GRAMD1B: variants seen among roughly 807,000 people sequenced by gnomAD.
The protein encoded by GRAMD1B is protein Aster-B.
In GRAMD1B, 37 loss-of-function variants were observed where a neutral mutation model predicts 99.7. The ratio of observed to expected loss-of-function variants is 0.37; its 90% CI spans 0.29 to 0.49. The LOEUF (loss-of-function observed/expected upper bound fraction) is 0.49, where lower values mean the gene tolerates loss of function less well. Among genes scored for constraint, GRAMD1B ranks in the 20% least tolerant of loss-of-function variants. GRAMD1B has a pLI of 0.98. For synonymous variants in GRAMD1B, 427 were observed against 387.6 expected, an observed-to-expected ratio of 1.10 and a Z score of -1.19; for missense variants, 888 against 1,009.2, an observed-to-expected ratio of 0.88 and a Z score of 1.63.
chr11:123,500,123 C>T (rs938134906), intron 2 of GRAMD1B, among the ~76,000 whole-genome samples: 2 of 152,152 alleles, frequency 1.3e-5, no homozygotes, highest in Admixed American at 6.5e-5. Context: ...AGGTTCGAGA[C>T]TAGCCTGGCC....
chr11:123,589,612 TTTTATA>T (rs1304435263), intron 4 of GRAMD1B, among the ~76,000 whole-genome samples: 5 of 130,664 alleles, frequency 3.8e-5, no homozygotes, highest in Admixed American at 7.4e-5. Flanking sequence ...TGTGGCTAAT[TTTTATA>T]TATATATATA....
At position 123,491,953 on chromosome 11, in the gene GRAMD1B, G is replaced by A. The variant is rs1938601734; in HGVS notation, c.452+11060G>A. 7 of 399,294 alleles carry A rather than the reference G, an allele frequency of 1.8e-5. No individual in the cohort carries two copies. In the East Asian group the frequency reaches 1.8e-4, roughly 10 times the overall value. 24.7% of individuals were successfully genotyped at this position (399,294 alleles called of 1,614,324 possible). A position where few individuals can be genotyped will look rare whatever the true frequency, so the allele number is the denominator to read the frequency against. On this transcript the variant is annotated intron_variant, in intron 2 of 19. Transcript: ENST00000635736. ...CTGAGGAAGAAGCTGGCCTTTCTGC[G>A]AGCCAAGTAGGTGGTGGGGACCCTG...
chr11:123,579,921 C>G (rs1448149497), intron 3 of GRAMD1B, among the ~76,000 whole-genome samples: 1 of 152,180 alleles, frequency 6.6e-6, no homozygotes. Context: ...AGGGGCCAAA[C>G]TGGGCCTTTT....
intron 1 of GRAMD1B, among the ~76,000 whole-genome samples, chr11:123,387,590 T>C (rs1947110576): frequency 6.6e-6 from 1 of 152,234 alleles, no homozygotes; most frequent in Non-Finnish European, 1.5e-5. Context: ...TCTGTGCTTA[T>C]GGATCCACAA....
Position 123,618,770 on chromosome 11 carries a change from C to G in GRAMD1B, c.2396C>G (p.Thr799Ser). The change falls in exon 18 of 20, where the codon ACT becomes AGT. Residue 799 changes from threonine (T) to serine (S), a missense_variant. Physicochemically the swap from Thr to Ser is moderately conservative, Grantham distance 58. This residue lies in a region of GRAMD1B where 232 missense variants were observed against 261.7 expected (regional missense o/e 0.89). Transcript: ENST00000635736. ...TTGGAATACACCACGCAGACCCTCA[C>G]TGCCTGGCAGGGTCTAAGGCTCCAA... ...WMLEYTTQTL[T>S]AWQGLRLQER... 1 of 1,574,946 alleles carries G rather than the reference C, an allele frequency of 6.3e-7. No homozygotes were observed. Among genetic ancestry groups the G allele is most frequent in the Non-Finnish European group, 8.6e-7 (1 of 1,157,230 alleles).
rs1951142391 is a variant in GRAMD1B, at chr11:123,474,051, A to G, written c.375-6765A>G. 2.0e-5 allele frequency among the ~76,000 whole-genome samples: 3 copies of G among 152,116 alleles called. No individual in the cohort carries two copies. In the South Asian group the frequency reaches 6.2e-4, roughly 31 times the overall value. ...CTTCTGTCAGTGGTGGTGAGGCCCT[A>G]CTTTTCAGGCTAAGGGCCTTTTCTG... On this transcript the variant is annotated intron_variant, in intron 1 of 19. Transcript: ENST00000635736.
chr11:123,577,134 G>A (rs904110440), intron 2 of GRAMD1B, among the ~76,000 whole-genome samples: 1 of 152,334 alleles, frequency 6.6e-6, no homozygotes, highest in Middle Eastern at 3.4e-3. Context: ...TCGATTGCCC[G>A]TTGGCTCGTG....
chr11:123,562,439 G>A (rs542518439), intron 2 of GRAMD1B, among the ~76,000 whole-genome samples: 4 of 152,340 alleles, frequency 2.6e-5, no homozygotes, highest in African/African-American at 9.6e-5. Context: ...GGCTGTCTCA[G>A]CTACTCAATT....
intron 1 of GRAMD1B, chr11:123,460,539 C>T (rs1950362062): frequency 1.3e-5 from 2 of 152,212 alleles, no homozygotes; most frequent in African/African-American, 4.8e-5. Flanking sequence ...CTCCCCAGGC[C>T]CCCCAGGGCA....
chr11:123,531,653 C>A (rs1428859764), intron 2 of GRAMD1B, among the ~76,000 whole-genome samples: 1 of 150,108 alleles, frequency 6.7e-6, no homozygotes, highest in African/African-American at 2.5e-5. Context: ...TTGCTGAATT[C>A]TTCGGAAGAC....
chr11:123,536,678 G>A (rs748208873), intron 2 of GRAMD1B, among the ~76,000 whole-genome samples: 1 of 152,130 alleles, frequency 6.6e-6, no homozygotes, highest in African/African-American at 2.4e-5. Flanking sequence ...CTTAGGTGGG[G>A]CCAGCGAGTT....
chr11:123,583,975 T>C (rs1380638150), intron 3 of GRAMD1B, among the ~76,000 whole-genome samples: 1 of 152,100 alleles, frequency 6.6e-6, no homozygotes, highest in Non-Finnish European at 1.5e-5. Context: ...CAGGGCCCAT[T>C]TGGGGACTGG....
At chr11:123,395,072 A>G (rs1029387181) in intron 1 of GRAMD1B, among the ~76,000 whole-genome samples, 1 of 152,200 alleles carries the variant, frequency 6.6e-6, no homozygotes, top group African/African-American at 2.4e-5. Context: ...CATTTGAAAC[A>G]TAGCATCCCC....
intron 1 of GRAMD1B, among the ~76,000 whole-genome samples, chr11:123,410,291 T>C (rs577526271): frequency 6.8e-6 from 1 of 147,910 alleles, no homozygotes; most frequent in South Asian, 2.1e-4. Flanking sequence ...AAAGTGTGTG[T>C]GTTGGGGAAT....
chr11:123,541,215 A>C (rs910909619), intron 2 of GRAMD1B, among the ~76,000 whole-genome samples: 3 of 152,112 alleles, frequency 2.0e-5, no homozygotes, highest in Admixed American at 6.6e-5. Flanking sequence ...ACCTCAGGTG[A>C]TCCACCTGCC....
intron 9 of GRAMD1B, among the ~76,000 whole-genome samples, chr11:123,605,004 C>T (rs1244463687): frequency 6.6e-6 from 1 of 151,868 alleles, no homozygotes; most frequent in Non-Finnish European, 1.5e-5. Flanking sequence ...AGGATGGGCA[C>T]CCATGGAAAA....
intron 1 of GRAMD1B, among the ~76,000 whole-genome samples, chr11:123,435,266 A>G (rs776045034): frequency 6.6e-6 from 1 of 152,202 alleles, no homozygotes; most frequent in Non-Finnish European, 1.5e-5. Flanking sequence ...CCTGCTCCAA[A>G]AGAGAGAAAA....
intron 2 of GRAMD1B, among the ~76,000 whole-genome samples, chr11:123,529,846 GTAGTGACATCTGTC>G (rs1943171001): frequency 6.6e-6 from 1 of 152,194 alleles, no homozygotes; most frequent in African/African-American, 2.4e-5. Flanking sequence ...TAGGCAGACT[GTAGTGACATCTGTC>G]TGAATTCCCT....
At chr11:123,383,181 G>A (rs1946942155) in intron 1 of GRAMD1B, among the ~76,000 whole-genome samples, 1 of 150,330 alleles carries the variant, frequency 6.7e-6, no homozygotes, top group South Asian at 2.1e-4. Context: ...TGAATTTAAA[G>A]AGTGCTTCCT....
Sources: gnomAD v4.1 joint callset for allele counts (sites outside exome capture counted in the v4.1 genomes callset) on GRCh38, gnomAD v4.1.1 for gene constraint, gnomAD v4.1.1 regional missense constraint, MANE v1.5 for transcripts, NCBI Gene and HGNC (gene_info 2026-07-23, HGNC 2026-07-21) for gene names.